DPH5: variants seen among roughly 807,000 people sequenced by gnomAD.
DPH5 encodes diphthamide biosynthesis 5.
Under a neutral mutation model 31.6 loss-of-function variants are expected in DPH5, and 31 were observed. That is an observed-to-expected ratio of 0.98 (90% CI 0.74 to 1.32). The LOEUF is 1.32. DPH5 is among the 40% of genes most tolerant of loss of function. The pLI is 0.00. For synonymous variants in DPH5, 120 were observed against 115.0 expected, an observed-to-expected ratio of 1.04 and a Z score of -0.28; for missense variants, 309 against 335.7, an observed-to-expected ratio of 0.92 and a Z score of 0.62.
intron 4 of DPH5, among the ~76,000 whole-genome samples, chr1:101,010,474 C>A (rs1217127298): frequency 6.6e-6 from 1 of 152,104 alleles, no homozygotes; most frequent in Non-Finnish European, 1.5e-5. Flanking sequence ...AGGTAATGAA[C>A]AATACTCAGT....
intron 4 of DPH5, among the ~76,000 whole-genome samples, chr1:101,002,586 A>T (rs1658955241): frequency 6.6e-6 from 1 of 152,234 alleles, no homozygotes; most frequent in Admixed American, 6.5e-5. Flanking sequence ...TAAAGATTTA[A>T]TTATTCAATT....
At chr1:101,021,548 TG>T in intron 3 of DPH5, 92 bp downstream of exon 3, 2 of 1,297,928 alleles carry the variant, frequency 1.5e-6, no homozygotes, top group Non-Finnish European at 2.1e-6. Flanking sequence ...TATCAGGACC[TG>T]GCAGGTAAAA....
chr1:101,013,991 C>T (rs1659883962), intron 3 of DPH5, among the ~76,000 whole-genome samples, 173 bp from the exon 4 acceptor site: 1 of 152,192 alleles, frequency 6.6e-6, no homozygotes, highest in South Asian at 2.1e-4. Context: ...AAATGCAAGA[C>T]TAAACATGCC....
Position 101,013,767 on chromosome 1 carries a change from AG to A in DPH5, c.311del (p.Pro104LeufsTer10). On this transcript the variant is annotated frameshift_variant, in exon 4 of 8. Transcript: ENST00000370109. LOFTEE classifies it high-confidence loss of function. ...TGGAGGCATTGTGAATAACTCTATAAGGAATTCCCAGCTTTGTTGCTCTTAG... is the reference window on the plus strand; with the variant it reads ...TGGAGGCATTGTGAATAACTCTATAAGAATTCCCAGCTTTGTTGCTCTTAG... ...LVLRATKLGI[P>X]YRVIHNASIM... 2 of 1,613,356 alleles carry A rather than the reference AG, an allele frequency of 1.2e-6. No homozygotes were observed. The highest frequency in any genetic ancestry group is 1.7e-6 in the Non-Finnish European group (2 of 1,179,590).
chr1:100,992,615 G>A (rs41287276), intron 7 of DPH5, 22 bp downstream of exon 7: 127 of 1,546,814 alleles, frequency 8.2e-5, no homozygotes, highest in Non-Finnish European at 1.1e-4. Context: ...TAATATGAGA[G>A]CCCTTCTAGT....
chr1:101,020,470 C>T (rs563545587), intron 3 of DPH5, among the ~76,000 whole-genome samples: 1 of 152,112 alleles, frequency 6.6e-6, no homozygotes, highest in African/African-American at 2.4e-5. Context: ...TCCAAGGTTT[C>T]CTAGGGCCAT....
At chr1:101,019,357 T>G (rs1259844546) in intron 3 of DPH5, among the ~76,000 whole-genome samples, 1 of 152,152 alleles carries the variant, frequency 6.6e-6, no homozygotes, top group Non-Finnish European at 1.5e-5. Context: ...TTGCTGGAGA[T>G]GGACAGTGCT....
intron 5 of DPH5, among the ~76,000 whole-genome samples, chr1:100,996,530 T>C: frequency 6.6e-6 from 1 of 152,184 alleles, no homozygotes; most frequent in East Asian, 1.9e-4. Flanking sequence ...AATGTAAGGT[T>C]CTCTGATTCA....
At chr1:101,018,014 C>T (rs1015679427) in intron 3 of DPH5, among the ~76,000 whole-genome samples, 18 of 152,238 alleles carry the variant, frequency 1.2e-4, no homozygotes, top group Middle Eastern at 6.8e-3. Flanking sequence ...TACATATACA[C>T]ACAAACAAAT....
intron 4 of DPH5, among the ~76,000 whole-genome samples, chr1:101,009,643 G>C (rs1238770683): frequency 1.3e-5 from 2 of 152,008 alleles, no homozygotes; most frequent in African/African-American, 4.8e-5. Context: ...TTCCAATCTT[G>C]CCTGGCAGTA....
At chr1:101,024,994 G>C in intron 2 of DPH5, 1 of 258,208 alleles carries the variant, frequency 3.9e-6, no homozygotes, top group Non-Finnish European at 7.5e-6. Context: ...ACTCAACTCA[G>C]AAAGGGTTTC....
chr1:100,999,700 G>A (rs569247931), intron 5 of DPH5, among the ~76,000 whole-genome samples: 10 of 152,048 alleles, frequency 6.6e-5, no homozygotes, highest in Non-Finnish European at 1.2e-4. Context: ...TTAGCCGGGT[G>A]TGGTGTCAGG....
At position 101,025,698 on chromosome 1, in the gene DPH5, T is replaced by C. The variant is rs1301171229; in HGVS notation, c.-39A>G. Reference sequence around the variant, plus strand: ...AGCCAATTACCCGCTGAGAGAATCGTAGGTAGTTCTCTGGCCTTTACAAAT... The same window carrying C: ...AGCCAATTACCCGCTGAGAGAATCGCAGGTAGTTCTCTGGCCTTTACAAAT... On this transcript the variant is annotated 5_prime_UTR_variant, in exon 1 of 8. Transcript: ENST00000370109. 2 of 503,820 alleles carry C rather than the reference T, an allele frequency of 4.0e-6. No homozygotes were observed. Among genetic ancestry groups the C allele is most frequent in the Non-Finnish European group, 7.1e-6 (2 of 279,848 alleles). 31.2% of individuals were successfully genotyped at this position (503,820 alleles called of 1,614,324 possible).
At chr1:101,010,052 T>C (rs926758363) in intron 4 of DPH5, among the ~76,000 whole-genome samples, 2 of 152,230 alleles carry the variant, frequency 1.3e-5, no homozygotes, top group Non-Finnish European at 2.9e-5. Context: ...GAATTTCTTA[T>C]GCTTACCATT....
At chr1:100,991,850 ACTTTGGGAGG>A (rs1385293319) in intron 7 of DPH5, among the ~76,000 whole-genome samples, 2 of 150,908 alleles carry the variant, frequency 1.3e-5, no homozygotes, top group East Asian at 2.0e-4. Flanking sequence ...TAATCCCAAC[ACTTTGGGAGG>A]CTTTGGGAGG....
At position 101,001,467 on chromosome 1, in the gene DPH5, CTAG is replaced by C; in HGVS notation, c.487_489del (p.Leu163del). 5 of 1,610,506 alleles carry C rather than the reference CTAG, an allele frequency of 3.1e-6. No individual in the cohort carries two copies. Among genetic ancestry groups the C allele is most frequent in the Non-Finnish European group, 3.4e-6 (4 of 1,178,910 alleles). On this transcript the variant is annotated inframe_deletion and splice_region_variant, in exon 5 of 8. Coordinates refer to ENST00000370109, the MANE Select transcript of DPH5 (RefSeq NM_015958.3). ...TTCAAGGAAATTCCAAAACCCTTAC[CTAG>C]TAAACATAATGTGTGCATGCCATTT...
intron 4 of DPH5, among the ~76,000 whole-genome samples, chr1:101,007,110 T>A (rs1659285295): frequency 6.6e-6 from 1 of 152,204 alleles, no homozygotes; most frequent in African/African-American, 2.4e-5. Flanking sequence ...TATTTCAGAA[T>A]TTGTAATTTT....
At chr1:101,013,641 A>G (rs771962041) in intron 4 of DPH5, 69 bp downstream of exon 4, 1 of 1,065,982 alleles carries the variant, frequency 9.4e-7, no homozygotes, top group African/African-American at 1.6e-5. Flanking sequence ...AATTAAATGT[A>G]TTTTCAATTT....
chr1:101,025,283 G>A (rs1373705226), intron 2 of DPH5, 26 bp downstream of exon 2: 22 of 1,611,414 alleles, frequency 1.4e-5, no homozygotes, highest in Non-Finnish European at 1.9e-5. Flanking sequence ...TTCTTCCCAG[G>A]AGGCTGGGGA....
Sources: gnomAD v4.1 joint callset for allele counts (sites outside exome capture counted in the v4.1 genomes callset) on GRCh38, gnomAD v4.1.1 for gene constraint, MANE v1.5 for transcripts, NCBI Gene and HGNC (gene_info 2026-07-23, HGNC 2026-07-21) for gene names.